MAP2K1: variants seen among roughly 807,000 people sequenced by gnomAD.
The protein encoded by MAP2K1 is mitogen-activated protein kinase kinase 1, also known as dual specificity mitogen-activated protein kinase kinase 1.
Under a neutral mutation model 46.3 loss-of-function variants are expected in MAP2K1, and 16 were observed. The observed-to-expected ratio is 0.35, with a 90% confidence interval of 0.23 to 0.52. The LOEUF (loss-of-function observed/expected upper bound fraction) is 0.52, where lower values mean the gene tolerates loss of function less well. Among genes scored for constraint, MAP2K1 ranks in the 20% least tolerant of loss-of-function variants. The probability of loss-of-function intolerance (pLI) is 0.94; values close to 1 mark genes in which losing one functional copy is unlikely to be tolerated. For missense variants in MAP2K1, 263 were observed against 497.1 expected, an observed-to-expected ratio of 0.53 and a Z score of 4.48; for synonymous variants, 183 against 185.6, an observed-to-expected ratio of 0.99 and a Z score of 0.11.
chr15:66,447,672 CAG>C (rs1891907900), intron 5 of MAP2K1, among the ~76,000 whole-genome samples: 1 of 125,718 alleles, frequency 8.0e-6, no homozygotes, highest in Non-Finnish European at 1.6e-5. Flanking sequence ...GCCTGGGCGA[CAG>C]AGACTCTGTC....
At chr15:66,459,785 A>C (rs571579759) in intron 5 of MAP2K1, among the ~76,000 whole-genome samples, 1 of 152,312 alleles carries the variant, frequency 6.6e-6, no homozygotes, top group East Asian at 1.9e-4. Context: ...TGGCACTGAT[A>C]GCAAGATCTG....
chr15:66,441,507 C>CA (rs541198724), intron 3 of MAP2K1, among the ~76,000 whole-genome samples: 1 of 151,390 alleles, frequency 6.6e-6, no homozygotes, highest in Non-Finnish European at 1.5e-5. Flanking sequence ...TCCCCATCTA[C>CA]AAAAAAAATC....
intron 5 of MAP2K1, among the ~76,000 whole-genome samples, chr15:66,466,455 G>T (rs1892468997): frequency 6.6e-6 from 1 of 151,758 alleles, no homozygotes; most frequent in South Asian, 2.1e-4. Context: ...GAGGCGGGTG[G>T]ATCACTTGAG....
chr15:66,404,711 T>C (rs1272132435), intron 1 of MAP2K1, among the ~76,000 whole-genome samples: 1 of 152,152 alleles, frequency 6.6e-6, no homozygotes, highest in African/African-American at 2.4e-5. Context: ...AGAATCAGCT[T>C]GATATGCAGT....
At chr15:66,470,380 T>G (rs1444537454) in intron 5 of MAP2K1, among the ~76,000 whole-genome samples, 1 of 152,070 alleles carries the variant, frequency 6.6e-6, no homozygotes, top group Non-Finnish European at 1.5e-5. Flanking sequence ...AGGGATGGGT[T>G]TCATGCTGAA....
chr15:66,485,400 A>G (rs550163475), intron 7 of MAP2K1, among the ~76,000 whole-genome samples: 9 of 152,294 alleles, frequency 5.9e-5, no homozygotes, highest in African/African-American at 7.2e-5. Context: ...AGTACGTACT[A>G]TGTTCTAGGT....
chr15:66,434,035 C>T (rs2093481243), intron 1 of MAP2K1, among the ~76,000 whole-genome samples: 1 of 152,230 alleles, frequency 6.6e-6, no homozygotes, highest in African/African-American at 2.4e-5. Flanking sequence ...CAAGAGCCAG[C>T]TTGTTCCCAA....
At chr15:66,415,260 T>C (rs1944251931) in intron 1 of MAP2K1, 3 of 384,664 alleles carry the variant, frequency 7.8e-6, no homozygotes, top group East Asian at 7.9e-5. Flanking sequence ...TGGGCCCACA[T>C]TGAATCACCT....
intron 5 of MAP2K1, among the ~76,000 whole-genome samples, chr15:66,468,774 T>C (rs531788473): frequency 6.7e-6 from 1 of 150,010 alleles, no homozygotes; most frequent in Admixed American, 6.7e-5. Flanking sequence ...CTACTAAAAA[T>C]ACAAAAATTA....
intron 6 of MAP2K1, 126 bp from the exon 7 acceptor site, chr15:66,484,864 C>G (rs1893000269): frequency 3.4e-6 from 3 of 879,048 alleles, no homozygotes; most frequent in Non-Finnish European, 5.7e-6. Flanking sequence ...AGGCCAAATT[C>G]AAGAGGTTAG....
At chr15:66,453,491 C>T (rs1241949702) in intron 5 of MAP2K1, 15 of 702,186 alleles carry the variant, frequency 2.1e-5, no homozygotes, top group Non-Finnish European at 3.4e-5. Context: ...AACTGTAAGG[C>T]CTGGACTATG....
intron 5 of MAP2K1, among the ~76,000 whole-genome samples, chr15:66,463,354 AACCCCAAATATCTGAG>A (rs1175233421): frequency 6.6e-6 from 1 of 152,228 alleles, no homozygotes; most frequent in African/African-American, 2.4e-5. Flanking sequence ...AGGGGGTGTG[AACCCCAAATATCTGAG>A]ACTACTCTCA....
chr15:66,468,337 T>C (rs1281083434), intron 5 of MAP2K1, among the ~76,000 whole-genome samples: 1 of 152,194 alleles, frequency 6.6e-6, no homozygotes, highest in Non-Finnish European at 1.5e-5. Context: ...TGCTTGGCAG[T>C]TGTCAGCTAA....
chr15:66,439,291 G>A (rs994904620), intron 3 of MAP2K1, among the ~76,000 whole-genome samples: 1 of 152,228 alleles, frequency 6.6e-6, no homozygotes, highest in African/African-American at 2.4e-5. Flanking sequence ...CACAGTCTTT[G>A]CATGAGTTTT....
At chr15:66,409,905 A>G (rs926114782) in intron 1 of MAP2K1, among the ~76,000 whole-genome samples, 6 of 152,254 alleles carry the variant, frequency 3.9e-5, no homozygotes, top group African/African-American at 1.4e-4. Flanking sequence ...CTTTGAAAGA[A>G]GAATTACATT....
chr15:66,447,152 T>C (rs2140607797), intron 5 of MAP2K1, among the ~76,000 whole-genome samples: 1 of 151,342 alleles, frequency 6.6e-6, no homozygotes, highest in Non-Finnish European at 1.5e-5. Context: ...GATACATCAC[T>C]GGTGAGCAAG....
At position 66,435,351 on chromosome 15, in the gene MAP2K1, A is replaced by ATTT. The variant is rs71139499; in HGVS notation, c.291+127_291+129dup. Reference sequence around the variant, plus strand: ...CTCAATACCTTTTTGTGCTGTTTGAATTTTTTTTTTTTTTTAAGACGGAGT... The same window carrying ATTT: ...CTCAATACCTTTTTGTGCTGTTTGAATTTTTTTTTTTTTTTTTTAAGACGGAGT... On this transcript the variant is annotated intron_variant, in intron 2 of 10. Transcript: ENST00000307102. 164,612 of 603,520 alleles carry ATTT rather than the reference A, an allele frequency of 0.27. 5,277 individuals carry two copies. Among genetic ancestry groups the ATTT allele is most frequent in the South Asian group, 0.32 (15,874 of 49,638 alleles). The allele number at this position is 603,520 out of a possible 1,614,324, so 37.4% of individuals were successfully genotyped here.
intron 1 of MAP2K1, among the ~76,000 whole-genome samples, chr15:66,422,469 C>G (rs1381792282): frequency 6.6e-6 from 1 of 152,084 alleles, no homozygotes; most frequent in Non-Finnish European, 1.5e-5. Flanking sequence ...TTTACCATAA[C>G]TACATGGGAT....
In MAP2K1 at chr15:66,491,259, A is replaced by G. The variant is rs375853830; in HGVS notation, c.*644A>G. ...TCTGTAGACTTCTGGTTGTATTTCT[A>G]TATTTATTTTCAGTATACTGTGTGG... is the stretch of plus-strand genomic sequence containing the variant. On this transcript the variant is annotated 3_prime_UTR_variant, in exon 11 of 11. Transcript: ENST00000307102. 1.7e-5 allele frequency: 4 copies of G among 237,488 alleles called. No homozygotes were observed. Among genetic ancestry groups the G allele is most frequent in the Middle Eastern group, 1.3e-3 (1 of 788 alleles). 14.7% of individuals were successfully genotyped at this position (237,488 alleles called of 1,614,324 possible). A position where few individuals can be genotyped will look rare whatever the true frequency, so the allele number is the denominator to read the frequency against.
Sources: allele counts gnomAD v4.1 joint callset (sites outside exome capture counted in the v4.1 genomes callset), GRCh38; gene constraint gnomAD v4.1.1; transcripts MANE v1.5; gene names NCBI Gene and HGNC (gene_info 2026-07-23, HGNC 2026-07-21).